Variants in SRP68 observed in about 807,000 individuals in gnomAD.
SRP68 encodes signal recognition particle 68.
A neutral mutation model predicts 82.2 loss-of-function variants in SRP68; 15 were observed. That is an observed-to-expected ratio of 0.18 (90% CI 0.12 to 0.28). The LOEUF (loss-of-function observed/expected upper bound fraction) is 0.28. Among genes scored for constraint, SRP68 ranks in the 10% least tolerant of loss-of-function variants. The pLI, the probability that SRP68 is intolerant of heterozygous loss-of-function variation, is 1.00. For missense variants in SRP68, 595 were observed against 780.5 expected, an observed-to-expected ratio of 0.76 and a Z score of 2.83; for synonymous variants, 261 against 292.6, an observed-to-expected ratio of 0.89 and a Z score of 1.10.
At position 76,072,476 on chromosome 17, in the gene SRP68, G is replaced by C. The variant is rs2066864488; in HGVS notation, c.16C>G (p.Gln6Glu). 4 of 1,581,552 alleles carry C rather than the reference G, an allele frequency of 2.5e-6. No homozygotes were observed. The highest frequency in any genetic ancestry group is 1.1e-5 in the South Asian group (1 of 89,174). Reference protein sequence around the residue: MAAEKQVPGGGGGGGS... With the variant: MAAEKEVPGGGGGGGS... Reference sequence around the variant, plus strand: ...CCGCCGCCGCCGCCGCCTGGGACCTGCTTCTCAGCAGCCATCTTGCCCCTG... The same window carrying C: ...CCGCCGCCGCCGCCGCCTGGGACCTCCTTCTCAGCAGCCATCTTGCCCCTG... Residue 6 changes from glutamine to glutamate, a missense_variant, in exon 1 of 16, where the codon CAG (glutamine) becomes GAG (glutamate). This residue lies in a region of SRP68 where 100 missense variants were observed against 91.9 expected (regional missense o/e 1.09). Coordinates refer to ENST00000307877, the MANE Select transcript of SRP68 (RefSeq NM_014230.4). This position sits in a 1 kb window ranked among gnomAD's most constrained non-coding sequence, Gnocchi z 4.5.
chr17:76,062,740 T>TATATAAAATATATATATATATATATAAA (rs2066774057), intron 4 of SRP68, among the ~76,000 whole-genome samples: 1 of 21,906 alleles, frequency 4.6e-5, no homozygotes, highest in African/African-American at 3.2e-4. Flanking sequence ...TATATATATA[T>TATATAAAATATATATATATATATATAAA]ATATATATAT....
At chr17:76,058,638 G>A (rs150941358) in intron 7 of SRP68, among the ~76,000 whole-genome samples, 553 of 152,220 alleles carry the variant, frequency 3.6e-3, no homozygotes, top group Non-Finnish European at 4.5e-3. Flanking sequence ...AGGACATAGC[G>A]GAAGGTTAAA....
Position 76,040,925 on chromosome 17 carries a change from G to A in SRP68, c.1578C>T (p.Ser526=). The A allele has an allele frequency of 1.9e-6, 3 of 1,613,992 alleles. No individual in the cohort carries two copies. The highest frequency in any genetic ancestry group is 2.5e-6 in the Non-Finnish European group (3 of 1,179,958). The change falls in exon 14 of 16, where the codon TCC becomes TCT. Residue 526 remains serine, a synonymous_variant. Coordinates refer to ENST00000307877, the MANE Select transcript of SRP68 (RefSeq NM_014230.4). ...CACCAAGGATGGCTGCGGCCTGCAG[G>A]GAGCACTTCTCTGACCGCACTTGAG... ...LITQVRSEKC[S]LQAAAILDAN... is the part of the protein sequence containing the mutation.
chr17:76,043,758 C>T, intron 13 of SRP68, 71 bp downstream of exon 13: 1 of 1,481,228 alleles, frequency 6.8e-7, no homozygotes, highest in Non-Finnish European at 9.0e-7. Flanking sequence ...GCTGTTGTAC[C>T]CTCACAGCTC....
At chr17:76,039,956 G>C (rs528831884) in intron 15 of SRP68, 23 bp from the exon 16 acceptor site, 5 of 1,610,256 alleles carry the variant, frequency 3.1e-6, no homozygotes, top group Admixed American at 3.3e-5. Context: ...TCAAAGAGAC[G>C]TATGTAGCAT....
intron 4 of SRP68, among the ~76,000 whole-genome samples, chr17:76,062,833 C>G (rs772168891): frequency 8.8e-5 from 12 of 136,604 alleles, no homozygotes; most frequent in Non-Finnish European, 1.8e-4. Context: ...CGCAGTGGCA[C>G]AATCTCAGCT....
In SRP68 at chr17:76,040,958, C is replaced by T. The variant is rs763633034; in HGVS notation, c.1545G>A (p.Glu515=). 1.9e-6 allele frequency: 3 copies of T among 1,613,932 alleles called. No individual in the cohort carries two copies. The highest frequency in any genetic ancestry group is 2.5e-6 in the Non-Finnish European group (3 of 1,179,984). ...NSLKDLPDVQ[E]LITQVRSEKC... The stretch of plus-strand genomic sequence containing the variant: ...TCTCTGACCGCACTTGAGTGATGAG[C>T]TCTTGCACATCAGGCAGGTCCTGTA... Residue 515 remains glutamate, a synonymous_variant, in exon 14 of 16, where the codon GAG becomes GAA. Transcript: ENST00000307877.
chr17:76,051,658 T>C (rs896041483), intron 8 of SRP68, among the ~76,000 whole-genome samples: 1 of 152,208 alleles, frequency 6.6e-6, no homozygotes, highest in Admixed American at 6.5e-5. Context: ...TCCTTGTAAC[T>C]TACCCAATAC....
intron 8 of SRP68, among the ~76,000 whole-genome samples, chr17:76,052,618 C>G (rs1170636562): frequency 6.6e-6 from 1 of 151,106 alleles, no homozygotes; most frequent in Admixed American, 6.6e-5. Flanking sequence ...TCCTGGCTAA[C>G]ACGATGAAAC....
At chr17:76,044,694 C>A (rs535904419) in intron 12 of SRP68, 186 of 152,538 alleles carry the variant, frequency 1.2e-3, no homozygotes, top group Non-Finnish European at 2.0e-3. Context: ...TCAAGGCGTG[C>A]CCCTTTTCCC....
At position 76,043,869 on chromosome 17, in the gene SRP68, T is replaced by C; in HGVS notation, c.1484A>G (p.Glu495Gly). The change falls in exon 13 of 16, where the codon GAA (glutamate) becomes GGA (glycine). Residue 495 changes from glutamate (E) to glycine (G), a missense_variant. Around this residue, in one of 2 missense-constraint regions of SRP68, gnomAD observed 495 missense variants for 688.6 expected, o/e 0.72. Transcript: ENST00000307877. ...GAAGGCGCCAGCATCAGAATTTACT[T>C]CATTTGCATATTTCAGGACTCTGTC... Reference protein sequence around the residue: ...LYDRVLKYANEVNSDAGAFKN... With the variant: ...LYDRVLKYANGVNSDAGAFKN... 2 of 1,609,372 alleles carry C rather than the reference T, an allele frequency of 1.2e-6. No individual in the cohort carries two copies. The highest frequency in any genetic ancestry group is 1.7e-5 in the Admixed American group (1 of 58,394).
intron 14 of SRP68, 82 bp from the exon 15 acceptor site, chr17:76,040,556 C>T: frequency 7.2e-7 from 1 of 1,382,542 alleles, no homozygotes; most frequent in Non-Finnish European, 1.0e-6. Flanking sequence ...ACACAGGTGG[C>T]CCCTACATCC....
chr17:76,041,152 G>A (rs1402760518), intron 13 of SRP68, 174 bp from the exon 14 acceptor site: 1 of 509,884 alleles, frequency 2.0e-6, no homozygotes. Flanking sequence ...GTTTCAAATG[G>A]GAAAAGCTAT....
At chr17:76,062,701 G>GTATAATATATACATTATATATTA (rs2066770713) in intron 4 of SRP68, among the ~76,000 whole-genome samples, 1 of 18,154 alleles carries the variant, frequency 5.5e-5, no homozygotes, top group African/African-American at 1.1e-3. Context: ...ATTATATATT[G>GTATAATATATACATTATATATTA]TATATTATAC....
chr17:76,043,110 A>G (rs2066603513), intron 13 of SRP68, among the ~76,000 whole-genome samples: 1 of 151,752 alleles, frequency 6.6e-6, no homozygotes, highest in Admixed American at 6.6e-5. Context: ...ACAAAAAAAT[A>G]AAAATTGGCC....
chr17:76,071,175 T>C lies in SRP68; in HGVS notation c.185-731A>G, dbSNP rs1324240167. ...AAATGACATGTACTAAGCCTCCATT[T>C]GCATAATCTCCAACACCTGCCAAAT... is the stretch of plus-strand genomic sequence containing the variant. On this transcript the variant is annotated intron_variant, in intron 1 of 15. Coordinates refer to ENST00000307877, the MANE Select transcript of SRP68 (RefSeq NM_014230.4). The surrounding 1 kb of genome is among the most constrained non-coding windows in gnomAD (Gnocchi z 4.7). Among the ~76,000 whole-genome samples the C allele has an allele frequency of 1.3e-5, 2 of 152,218 alleles. No individual in the cohort carries two copies. Among genetic ancestry groups the C allele is most frequent in the Non-Finnish European group, 2.9e-5 (2 of 68,050 alleles).
rs566802996 is a variant in SRP68, at chr17:76,045,774, C to G, written c.1299+264G>C. The stretch of plus-strand genomic sequence containing the variant: ...GGGCCGAGATGGCATGGACTCAGGT[C>G]TCAGATGCTCTATGGCACCTGGGAG... On this transcript the variant is annotated intron_variant, in intron 11 of 15. Transcript: ENST00000307877. Among the ~76,000 whole-genome samples the G allele has an allele frequency of 8.5e-5, 13 of 152,302 alleles. No individual in the cohort carries two copies. In the South Asian group the frequency reaches 2.7e-3, roughly 32 times the overall value.
At position 76,043,892 on chromosome 17, in the gene SRP68, G is replaced by A; in HGVS notation, c.1461C>T (p.Asp487=). Residue 487 remains aspartate (D), a synonymous_variant, in exon 13 of 16, where the codon GAC becomes GAT. Transcript: ENST00000307877. The stretch of plus-strand genomic sequence containing the variant: ...CTTCATTTGCATATTTCAGGACTCT[G>A]TCATACAGGACAAGGGCTTCGCTCC... ...KKWSEALVLY[D]RVLKYANEVN... 5 of 1,612,292 alleles carry A rather than the reference G, an allele frequency of 3.1e-6. No homozygotes were observed. Among genetic ancestry groups the A allele is most frequent in the Non-Finnish European group, 4.2e-6 (5 of 1,179,526 alleles).
intron 2 of SRP68, 114 bp downstream of exon 2, chr17:76,070,264 A>T (rs1483259006): frequency 2.4e-6 from 2 of 830,538 alleles, no homozygotes; most frequent in Admixed American, 2.8e-5. Context: ...AAACAAAAAA[A>T]ACAATGCTCT....
Sources: gnomAD v4.1 joint callset for allele counts (sites outside exome capture counted in the v4.1 genomes callset) on GRCh38, gnomAD v4.1.1 for gene constraint, gnomAD v4.1.1 regional missense constraint, Gnocchi (gnomAD v3.1) non-coding constraint, MANE v1.5 for transcripts, NCBI Gene and HGNC (gene_info 2026-07-23, HGNC 2026-07-21) for gene names.